ZNF431: variants seen among roughly 807,000 people sequenced by gnomAD.
ZNF431 encodes the protein zinc finger protein 431.
Under a neutral mutation model 57.0 loss-of-function variants are expected in ZNF431, and 34 were observed. That is an observed-to-expected ratio of 0.60 (90% confidence interval 0.45 to 0.79). The LOEUF (loss-of-function observed/expected upper bound fraction) is 0.79, where lower values mean the gene tolerates loss of function less well. Ranked by LOEUF, ZNF431 falls within the 30% of genes least tolerant of loss-of-function variation. ZNF431 has a pLI of 0.00. For missense variants in ZNF431, 607 were observed against 667.1 expected, an observed-to-expected ratio of 0.91 and a Z score of 0.99; for synonymous variants, 207 against 220.3, an observed-to-expected ratio of 0.94 and a Z score of 0.54.
chr19:21,167,710 C>A, intron 4 of ZNF431, 44 bp downstream of exon 4: 2 of 1,380,830 alleles, frequency 1.4e-6, no homozygotes, highest in Non-Finnish European at 1.9e-6. Context: ...ATGAGAGGTC[C>A]AAAGCTTAAA....
At chr19:21,175,543 A>G in intron 4 of ZNF431, 1 of 617,734 alleles carries the variant, frequency 1.6e-6, no homozygotes, top group South Asian at 1.9e-5. Context: ...CTCGGTGATA[A>G]GCCCTGCATG....
intron 2 of ZNF431, among the ~76,000 whole-genome samples, chr19:21,148,953 T>G (rs1047115180): frequency 1.3e-5 from 2 of 152,198 alleles, no homozygotes; most frequent in African/African-American, 4.8e-5. Flanking sequence ...AAGTCTTAAT[T>G]TAAGAGGCCT....
rs545274378 is a variant in ZNF431, at chr19:21,186,495, C to G, written c.*2461C>G. 1.3e-5 allele frequency: 2 copies of G among 151,894 alleles called. No homozygotes were observed. Among genetic ancestry groups the G allele is most frequent in the Non-Finnish European group, 2.9e-5 (2 of 67,972 alleles). The allele number at this position is 151,894 out of a possible 1,614,324, so 9.4% of individuals were successfully genotyped here. On this transcript the variant is annotated 3_prime_UTR_variant, in exon 5 of 5. Transcript: ENST00000311048. ...ATATTTTCAGAAGGAAAGAATGATA[C>G]GGGAACAAAAATCATTTTAATATGG...
In ZNF431 at chr19:21,193,974, T is replaced by TG. The variant is rs1971557395; in HGVS notation, c.*9940_*9941insG. On this transcript the variant is annotated 3_prime_UTR_variant, in exon 5 of 5. Coordinates refer to ENST00000311048, the MANE Select transcript of ZNF431 (RefSeq NM_133473.4). ...TCTCATTAGAAAAAAAATAAGACTA[T>TG]CTAAACAATTCTATTTAACATAGTT... 1 of 151,750 alleles carries TG rather than the reference T, an allele frequency of 6.6e-6. No individual in the cohort carries two copies. Among genetic ancestry groups the TG allele is most frequent in the African/African-American group, 2.4e-5 (1 of 41,282 alleles). The allele number at this position is 151,750 out of a possible 1,614,324, so 9.4% of individuals were successfully genotyped here. A position where few individuals can be genotyped will look rare whatever the true frequency, so the allele number is the denominator to read the frequency against.
chr19:21,150,187 G>C, intron 2 of ZNF431: 1 of 576,508 alleles, frequency 1.7e-6, no homozygotes, highest in Non-Finnish European at 3.3e-6. Context: ...GGTGGTCCAG[G>C]CCCTGGGTGA....
In ZNF431 at chr19:21,188,344, T is replaced by C. The variant is rs995701693; in HGVS notation, c.*4310T>C. 3 of 152,074 alleles carry C rather than the reference T, an allele frequency of 2.0e-5. No homozygotes were observed. Among genetic ancestry groups the C allele is most frequent in the African/African-American group, 7.2e-5 (3 of 41,422 alleles). The allele number at this position is 152,074 out of a possible 1,614,324, so 9.4% of individuals were successfully genotyped here. On this transcript the variant is annotated 3_prime_UTR_variant, in exon 5 of 5. Transcript: ENST00000311048. ...CAGCTTTGTTTTTAAAAGAAAAATC[T>C]TACTAGATTCTTATACAAAGTGTGG...
chr19:21,153,398 A>T (rs1203997882), intron 2 of ZNF431, among the ~76,000 whole-genome samples: 1 of 152,168 alleles, frequency 6.6e-6, no homozygotes, highest in Non-Finnish European at 1.5e-5. Context: ...TACACCTCTG[A>T]CAGAGTCTGT....
intron 4 of ZNF431, among the ~76,000 whole-genome samples, chr19:21,174,723 T>C (rs1450029533): frequency 6.6e-6 from 1 of 152,168 alleles, no homozygotes; most frequent in Non-Finnish European, 1.5e-5. Flanking sequence ...AGGCATCTTA[T>C]TTCTTTTTCT....
chr19:21,143,705 A>G (rs965954545), intron 2 of ZNF431, 62 bp downstream of exon 2: 3 of 1,263,880 alleles, frequency 2.4e-6, no homozygotes, highest in East Asian at 2.3e-5. Context: ...TTGGGGACAC[A>G]TTGCTGGTCA....
In ZNF431 at chr19:21,189,594, G is replaced by A. The variant is rs29729; in HGVS notation, c.*5560G>A. The A allele has an allele frequency of 0.94, 266,767 of 283,434 alleles. 126,297 individuals carry two copies. Among genetic ancestry groups the A allele is most frequent in the Middle Eastern group, 0.98 (949 of 964 alleles). 17.6% of individuals were successfully genotyped at this position (283,434 alleles called of 1,614,324 possible). On this transcript the variant is annotated 3_prime_UTR_variant, in exon 5 of 5. Transcript: ENST00000311048. Reference sequence around the variant, plus strand: ...TTATGAACTATAGTCACCATGTTGTGCAATAAATCTCTTGAACTTATTTCT... The same window carrying A: ...TTATGAACTATAGTCACCATGTTGTACAATAAATCTCTTGAACTTATTTCT...
chr19:21,169,672 TAGGGCAGATACC>T (rs1470392149), intron 4 of ZNF431: 1 of 396,530 alleles, frequency 2.5e-6, no homozygotes, highest in East Asian at 3.6e-5. Flanking sequence ...CTTTGATCTG[TAGGGCAGATACC>T]AGGGCAGATT....
chr19:21,157,770 C>T (rs867280271), intron 2 of ZNF431, among the ~76,000 whole-genome samples: 6 of 151,988 alleles, frequency 3.9e-5, no homozygotes, highest in African/African-American at 7.2e-5. Context: ...CCCCATGATC[C>T]GCCCGCCTCG....
intron 2 of ZNF431, among the ~76,000 whole-genome samples, chr19:21,152,622 C>T (rs1970304083): frequency 6.6e-6 from 1 of 152,150 alleles, no homozygotes; most frequent in Admixed American, 6.6e-5. Context: ...CTAAGCTCGG[C>T]CTCAAATCCA....
chr19:21,157,681 G>A (rs1179288625), intron 2 of ZNF431, among the ~76,000 whole-genome samples: 15 of 151,656 alleles, frequency 9.9e-5, no homozygotes, highest in Admixed American at 2.0e-4. Context: ...ACAGGTGTGC[G>A]CCACCACGCC....
intron 2 of ZNF431, among the ~76,000 whole-genome samples, chr19:21,147,523 C>T (rs1156689338): frequency 2.7e-5 from 4 of 150,322 alleles, no homozygotes. Context: ...GAACATCTGT[C>T]AAAGTTAACT....
chr19:21,177,558 G>A (rs1177852495), intron 4 of ZNF431, among the ~76,000 whole-genome samples: 3 of 152,078 alleles, frequency 2.0e-5, no homozygotes, highest in Non-Finnish European at 2.9e-5. Flanking sequence ...AGGCTGAGGC[G>A]GGTGGATCAC....
In ZNF431 at chr19:21,190,491, CTTTT is replaced by C. The variant is rs1013148478; in HGVS notation, c.*6460_*6463del. 3.3e-5 allele frequency: 5 copies of C among 151,802 alleles called. No individual in the cohort carries two copies. The highest frequency in any genetic ancestry group is 7.4e-5 in the Non-Finnish European group (5 of 67,986). The allele number at this position is 151,802 out of a possible 1,614,324, so 9.4% of individuals were successfully genotyped here. ...CGTTTTCTTCACATCTTTACCAACA[CTTTT>C]TTCTTTTTCTTTTAATAAGAGTTAT... On this transcript the variant is annotated 3_prime_UTR_variant, in exon 5 of 5. Transcript: ENST00000311048.
intron 2 of ZNF431, among the ~76,000 whole-genome samples, chr19:21,155,160 C>A (rs546746968): frequency 3.3e-4 from 50 of 152,242 alleles, no homozygotes; most frequent in Admixed American, 1.6e-3. Context: ...TTAGGTCTAA[C>A]ATTTAAGTCT....
intron 2 of ZNF431, 140 bp downstream of exon 2, chr19:21,143,783 G>T: frequency 1.9e-6 from 1 of 517,030 alleles, no homozygotes; most frequent in East Asian, 3.2e-5. Flanking sequence ...TGTCTTAGGG[G>T]GCAGAAAGAT....
Sources: allele counts gnomAD v4.1 joint callset (sites outside exome capture counted in the v4.1 genomes callset), GRCh38; gene constraint gnomAD v4.1.1; transcripts MANE v1.5; gene names NCBI Gene and HGNC (gene_info 2026-07-23, HGNC 2026-07-21).